Variants in MYO1C observed in about 807,000 individuals in gnomAD.
The protein encoded by MYO1C is unconventional myosin-Ic.
In MYO1C, 104 loss-of-function variants were observed where a neutral mutation model predicts 150.8. The ratio of observed to expected loss-of-function variants is 0.69; its 90% confidence interval spans 0.59 to 0.81. The LOEUF is 0.81. Among genes scored for constraint, MYO1C ranks in the 30% least tolerant of loss-of-function variants. MYO1C has a pLI of 0.00. For missense variants in MYO1C, 1,504 were observed against 1,435.0 expected (o/e 1.05, Z -0.78); for synonymous variants, 663 against 579.9 (o/e 1.14, Z -2.06).
intron 1 of MYO1C, among the ~76,000 whole-genome samples, chr17:1,490,321 C>A (rs1229082785): frequency 7.3e-6 from 1 of 136,522 alleles, no homozygotes; most frequent in South Asian, 2.4e-4. Flanking sequence ...CACGGTGAAA[C>A]CCCGTCTCTA....
intron 27 of MYO1C, 32 bp from the exon 28 acceptor site, chr17:1,468,155 G>C (rs1439743063): frequency 6.2e-7 from 1 of 1,612,628 alleles, no homozygotes; most frequent in South Asian, 1.1e-5. Flanking sequence ...AAGGGGCTGG[G>C]GAGAGGCTCC....
At chr17:1,489,288 C>T (rs1269778706) in intron 1 of MYO1C, among the ~76,000 whole-genome samples, 1 of 152,226 alleles carries the variant, frequency 6.6e-6, no homozygotes, top group Non-Finnish European at 1.5e-5. Context: ...ACCCTGATTG[C>T]TCACAGGGCC....
chr17:1,483,509 G>A lies in MYO1C; in HGVS notation c.347+101C>T, dbSNP rs930136025. On this transcript the variant is annotated intron_variant, in intron 3 of 31. Coordinates refer to ENST00000648651, the MANE Select transcript of MYO1C (RefSeq NM_001080779.2). ...GACTGTGGGATTCCTCACAGATGTGGCGCGGGACGCCAGGATCATTTCAGA... is the reference window on the plus strand; with the variant it reads ...GACTGTGGGATTCCTCACAGATGTGACGCGGGACGCCAGGATCATTTCAGA... 4 of 841,996 alleles carry A rather than the reference G, an allele frequency of 4.8e-6. No homozygotes were observed. The South Asian group carries it at 6.0e-5, about 13-fold the overall frequency. 52.2% of individuals were successfully genotyped at this position (841,996 alleles called of 1,614,324 possible). A position where few individuals can be genotyped will look rare whatever the true frequency, so the allele number is the denominator to read the frequency against.
chr17:1,475,185 C>T (rs993785150), intron 14 of MYO1C, among the ~76,000 whole-genome samples, 153 bp from the exon 15 acceptor site: 1 of 152,090 alleles, frequency 6.6e-6, no homozygotes, highest in African/African-American at 2.4e-5. Context: ...GTTGGGGAGG[C>T]CGAGGTGGGT....
Position 1,472,038 on chromosome 17 carries a change from A to G in MYO1C, c.1904-14T>C. The stretch of plus-strand genomic sequence containing the variant: ...CGTCAAAGCGGCCTGGGGTAGGGGG[A>G]GCGCCGTGGTCAGCGGGCTGGCGCT... On this transcript the variant is annotated splice_polypyrimidine_tract_variant and intron_variant, in intron 18 of 31. Coordinates refer to ENST00000648651, the MANE Select transcript of MYO1C (RefSeq NM_001080779.2). The G allele has an allele frequency of 3.1e-6, 5 of 1,613,530 alleles. No individual in the cohort carries two copies. Among genetic ancestry groups the G allele is most frequent in the Non-Finnish European group, 4.2e-6 (5 of 1,179,702 alleles).
At chr17:1,484,399 T>C in intron 1 of MYO1C, 96 bp from the exon 2 acceptor site, 6 of 1,448,014 alleles carry the variant, frequency 4.1e-6, no homozygotes, top group Non-Finnish European at 5.7e-6. Context: ...ACGTAGGGGC[T>C]TGTGGACTCC....
chr17:1,465,962 C>T (rs1056901753), intron 31 of MYO1C, among the ~76,000 whole-genome samples: 3 of 151,256 alleles, frequency 2.0e-5, no homozygotes, highest in Non-Finnish European at 4.4e-5. Flanking sequence ...CCGCCGCACC[C>T]AGCCCCAGCG....
chr17:1,483,304 C>A (rs1175974915), intron 3 of MYO1C, among the ~76,000 whole-genome samples: 11 of 148,752 alleles, frequency 7.4e-5, no homozygotes, highest in Admixed American at 7.4e-4. Context: ...TAGGTGGAGG[C>A]TGGAGTCACT....
At chr17:1,470,058 C>T in intron 24 of MYO1C, 117 bp downstream of exon 24, 2 of 1,094,392 alleles carry the variant, frequency 1.8e-6, no homozygotes, top group Non-Finnish European at 2.6e-6. Context: ...TTTCACTGCT[C>T]AGCTCTGGTC....
At chr17:1,475,177 T>C in intron 14 of MYO1C, 145 bp from the exon 15 acceptor site, 2 of 784,044 alleles carry the variant, frequency 2.6e-6, no homozygotes, top group Non-Finnish European at 2.2e-6. Flanking sequence ...TCCCAGCAGT[T>C]GGGGAGGCCG....
chr17:1,480,144 CAAA>C (rs34326248), intron 7 of MYO1C, among the ~76,000 whole-genome samples: 5 of 42,676 alleles, frequency 1.2e-4, no homozygotes, highest in African/African-American at 3.6e-4. Flanking sequence ...GACTCCATCT[CAAA>C]AAAAAAAAAA....
At chr17:1,484,527 C>T (rs2074611177) in intron 1 of MYO1C, 1 of 616,642 alleles carries the variant, frequency 1.6e-6, no homozygotes. Context: ...AGTGTGGCAG[C>T]AGAGGGATCA....
At chr17:1,471,854 G>A in intron 19 of MYO1C, 53 bp downstream of exon 19, 1 of 1,569,412 alleles carries the variant, frequency 6.4e-7, no homozygotes, top group Non-Finnish European at 8.8e-7. Flanking sequence ...GGGACCTAGG[G>A]GCTCCTACCC....
intron 1 of MYO1C, chr17:1,492,098 C>T: frequency 2.4e-6 from 1 of 414,110 alleles, no homozygotes; most frequent in Non-Finnish European, 4.6e-6. Context: ...CCTGGAGCTT[C>T]CATGCCCTGG....
In MYO1C at chr17:1,484,109, G is replaced by A. The variant is rs45508597; in HGVS notation, c.231+39C>T. 1.3e-3 allele frequency: 2,126 copies of A among 1,609,646 alleles called. 31 individuals carry two copies. The African/African-American group carries it at 0.024, about 18-fold the overall frequency. On this transcript the variant is annotated intron_variant, in intron 2 of 31. Transcript: ENST00000648651. ...TTCCCCTCCGCTTGCCTGTGTCTGTGACCCCAGCACCCCTGCCATCTCCCC... is the reference window on the plus strand; with the variant it reads ...TTCCCCTCCGCTTGCCTGTGTCTGTAACCCCAGCACCCCTGCCATCTCCCC...
rs201190601 is a variant in MYO1C, at chr17:1,467,593, G to A, written c.2968-16C>T. ...CCACATCTCCCTGGGGGGCCAGGCAGGAGGAGGGGTCAGGCCCTGCCCAGA... is the reference window on the plus strand; with the variant it reads ...CCACATCTCCCTGGGGGGCCAGGCAAGAGGAGGGGTCAGGCCCTGCCCAGA... On this transcript the variant is annotated splice_polypyrimidine_tract_variant and intron_variant, in intron 29 of 31. Coordinates refer to ENST00000648651, the MANE Select transcript of MYO1C (RefSeq NM_001080779.2). The A allele has an allele frequency of 2.5e-4, 399 of 1,611,000 alleles. 1 individual carries two copies. The African/African-American group carries it at 4.8e-3, about 19-fold the overall frequency.
intron 1 of MYO1C, 95 bp from the exon 2 acceptor site, chr17:1,484,398 C>T (rs1429396826): frequency 4.8e-5 from 70 of 1,448,414 alleles, no homozygotes; most frequent in Non-Finnish European, 4.9e-5. Flanking sequence ...AACGTAGGGG[C>T]TTGTGGACTC....
intron 1 of MYO1C, chr17:1,485,645 G>T: frequency 8.4e-7 from 1 of 1,189,890 alleles, no homozygotes; most frequent in South Asian, 3.3e-5. Context: ...CGCGAGGTGG[G>T]GAGGGACGCC....
chr17:1,472,257 G>C, intron 17 of MYO1C, 29 bp from the exon 18 acceptor site: 2 of 1,603,072 alleles, frequency 1.2e-6, no homozygotes, highest in Non-Finnish European at 1.7e-6. Flanking sequence ...TGGGAGGTTG[G>C]CCGGAGCTGG....
Sources: allele counts gnomAD v4.1 joint callset (sites outside exome capture counted in the v4.1 genomes callset), GRCh38; gene constraint gnomAD v4.1.1; transcripts MANE v1.5; gene names NCBI Gene and HGNC (gene_info 2026-07-23, HGNC 2026-07-21).